The following MLANA variants were observed in gnomAD, a reference collection of about 807,000 sequenced individuals.
MLANA encodes melan-A, also known as melanoma antigen recognized by T-cells 1.
A neutral mutation model predicts 15.7 loss-of-function variants in MLANA; 21 were observed. The ratio of observed to expected loss-of-function variants is 1.33; its 90% CI spans 0.95 to 1.92. MLANA has a LOEUF of 1.92. Among genes scored for constraint, MLANA ranks in the 40% most tolerant of loss-of-function variants. The pLI is 0.00. For synonymous variants in MLANA, 56 were observed against 51.5 expected, an observed-to-expected ratio of 1.09 and a Z score of -0.37; for missense variants, 164 against 143.8, an observed-to-expected ratio of 1.14 and a Z score of -0.72.
At chr9:5,891,975 G>A (rs1386034227) in intron 1 of MLANA, among the ~76,000 whole-genome samples, 1 of 152,208 alleles carries the variant, frequency 6.6e-6, no homozygotes, top group African/African-American at 2.4e-5. Context: ...GGAAACACAC[G>A]TTATGTATCA....
intron 3 of MLANA, chr9:5,899,200 G>C (rs1256505530): frequency 6.6e-6 from 1 of 152,168 alleles, no homozygotes; most frequent in Non-Finnish European, 1.5e-5. Flanking sequence ...CTTTCCAAAA[G>C]ATGTTGGAAA....
rs116918364 is a variant in MLANA at position 5,894,936 on chromosome 9, C to T, written c.77+2385C>T. On this transcript the variant is annotated intron_variant, in intron 2 of 4. Transcript: ENST00000381477. The surrounding 1 kb of genome is among the most constrained non-coding windows in gnomAD (Gnocchi z 4.0). ...TATGACCACTATCATGTGAAGGAAC[C>T]CCTTGACTGAAGGCACAAGCTTTCT... is the stretch of plus-strand genomic sequence containing the variant. 4.3e-3 allele frequency among the ~76,000 whole-genome samples: 658 copies of T among 152,272 alleles called. 22 individuals carry two copies. The highest frequency in any genetic ancestry group is 0.036 in the Admixed American group (557 of 15,300).
Position 5,908,760 on chromosome 9 carries a change from C to G in MLANA, c.*52C>G. 6.5e-7 allele frequency: 1 copy of G among 1,537,572 alleles called. No homozygotes were observed. The highest frequency in any genetic ancestry group is 9.0e-7 in the Non-Finnish European group (1 of 1,110,976). On this transcript the variant is annotated 3_prime_UTR_variant, in exon 5 of 5. Coordinates refer to ENST00000381477, the MANE Select transcript of MLANA (RefSeq NM_005511.2). ...TGAAATTATTTCTCTCACACTTTTG[C>G]TTGAATTTAATACAGACATCTAATG...
At chr9:5,905,729 C>T (rs1832761053) in intron 3 of MLANA, among the ~76,000 whole-genome samples, 2 of 152,218 alleles carry the variant, frequency 1.3e-5, no homozygotes, top group Admixed American at 1.3e-4. Context: ...CCTTTTCAGG[C>T]TGACCCAATG....
rs1832994957 is a variant in MLANA at position 5,908,979 on chromosome 9, G to A, written c.*271G>A. Reference sequence around the variant, plus strand: ...CAGAGGTAATGTTAGTAAATCCATGGTGTTATTTTCTGAGAGACAGAATTC... The same window carrying A: ...CAGAGGTAATGTTAGTAAATCCATGATGTTATTTTCTGAGAGACAGAATTC... On this transcript the variant is annotated 3_prime_UTR_variant, in exon 5 of 5. Coordinates refer to ENST00000381477, the MANE Select transcript of MLANA (RefSeq NM_005511.2). 1 of 402,400 alleles carries A rather than the reference G, an allele frequency of 2.5e-6. No homozygotes were observed. Among genetic ancestry groups the A allele is most frequent in the African/African-American group, 2.1e-5 (1 of 48,146 alleles). 24.9% of individuals were successfully genotyped at this position (402,400 alleles called of 1,614,324 possible). A position where few individuals can be genotyped will look rare whatever the true frequency, so the allele number is the denominator to read the frequency against.
intron 2 of MLANA, among the ~76,000 whole-genome samples, chr9:5,893,325 C>T (rs1008941027): frequency 2.6e-5 from 4 of 152,212 alleles, no homozygotes; most frequent in African/African-American, 4.8e-5. Flanking sequence ...CCACCCTCTG[C>T]GTGGGACTCT....
chr9:5,895,188 C>G lies in MLANA; in HGVS notation c.78-2369C>G, dbSNP rs186952104. Reference sequence around the variant, plus strand: ...TCCAGCACAATGAAACACTTAACTTCAGTCTGTGAGTGTAGGAACCCCTGA... The same window carrying G: ...TCCAGCACAATGAAACACTTAACTTGAGTCTGTGAGTGTAGGAACCCCTGA... On this transcript the variant is annotated intron_variant, in intron 2 of 4. Transcript: ENST00000381477. Among the ~76,000 whole-genome samples, 31 of 152,306 alleles carry G rather than the reference C, an allele frequency of 2.0e-4. 1 individual carries two copies. The highest frequency in any genetic ancestry group is 9.1e-4 in the Admixed American group (14 of 15,304).
rs903318088 is a variant in MLANA at position 5,897,652 on chromosome 9, T to C, written c.173T>C (p.Met58Thr). 1.9e-6 allele frequency: 3 copies of C among 1,613,622 alleles called. No homozygotes were observed. The highest frequency in any genetic ancestry group is 2.2e-5 in the East Asian group (1 of 44,878). ...CRRRNGYRAL[M>T]DKSLHVGTQC... ...AGACGAAATGGATACAGAGCCTTGA[T>C]GGTTGGTAAAGTTCCCACTGCTGAA... The change falls in exon 3 of 5, where the codon ATG becomes ACG. Residue 58 changes from methionine to threonine, a missense_variant and splice_region_variant. Coordinates refer to ENST00000381477, the MANE Select transcript of MLANA (RefSeq NM_005511.2).
chr9:5,904,088 G>A (rs1316153783), intron 3 of MLANA, among the ~76,000 whole-genome samples: 2 of 152,026 alleles, frequency 1.3e-5, no homozygotes, highest in African/African-American at 4.8e-5. Context: ...GAACTCCTGA[G>A]CTCAGGCAAT....
At chr9:5,908,408 T>C (rs568417099) in intron 4 of MLANA, among the ~76,000 whole-genome samples, 1 of 152,322 alleles carries the variant, frequency 6.6e-6, no homozygotes, top group African/African-American at 2.4e-5. Context: ...AGCTAAGCTT[T>C]TGAGATTTTG....
chr9:5,908,294 C>A (rs112265389), intron 4 of MLANA, among the ~76,000 whole-genome samples: 1 of 152,152 alleles, frequency 6.6e-6, no homozygotes, highest in African/African-American at 2.4e-5. Context: ...ACAATTACAA[C>A]GATCTCTGTG....
At position 5,892,506 on chromosome 9, in the gene MLANA, G is replaced by T; in HGVS notation, c.32G>T (p.Gly11Val). Residue 11 changes from glycine (G) to valine (V), a missense_variant, in exon 2 of 5, where the codon GGT becomes GTT. Coordinates refer to ENST00000381477, the MANE Select transcript of MLANA (RefSeq NM_005511.2). MPREDAHFIYGYPKKGHGHSY... is the reference protein window; with the variant it reads MPREDAHFIYVYPKKGHGHSY... ...AGAGAAGATGCTCACTTCATCTATG[G>T]TTACCCCAAGAAGGGGCACGGCCAC... 6.2e-7 allele frequency: 1 copy of T among 1,613,812 alleles called. No homozygotes were observed. The highest frequency in any genetic ancestry group is 8.5e-7 in the Non-Finnish European group (1 of 1,179,896).
At chr9:5,896,350 G>C (rs1586925437) in intron 2 of MLANA, among the ~76,000 whole-genome samples, 1 of 152,314 alleles carries the variant, frequency 6.6e-6, no homozygotes, top group East Asian at 1.9e-4. Context: ...ATCTTCATAG[G>C]TCTCAGCTTC....
At chr9:5,896,165 C>T (rs1275477429) in intron 2 of MLANA, among the ~76,000 whole-genome samples, 2 of 152,206 alleles carry the variant, frequency 1.3e-5, no homozygotes, top group Admixed American at 1.3e-4. Flanking sequence ...GCTGGTTGTG[C>T]AGCCCTGGGC....
At chr9:5,891,155 A>G (rs1831634597) in intron 1 of MLANA, 1 of 152,162 alleles carries the variant, frequency 6.6e-6, no homozygotes. Context: ...AAGAAAAGCA[A>G]TTATTCAGGA....
chr9:5,895,792 C>T (rs1445616612), intron 2 of MLANA, among the ~76,000 whole-genome samples: 1 of 152,210 alleles, frequency 6.6e-6, no homozygotes, highest in Non-Finnish European at 1.5e-5. Flanking sequence ...AGGCGCCCTG[C>T]CAAGCTGGGC....
chr9:5,906,922 CAAG>C lies in MLANA; in HGVS notation c.217_219del (p.Arg73del), dbSNP rs1221820610. ...CATGTTGGCACTCAATGTGCCTTAA[CAAG>C]AAGATGCCCACAAGAAGGGTTTGAT... On this transcript the variant is annotated inframe_deletion, in exon 4 of 5. Coordinates refer to ENST00000381477, the MANE Select transcript of MLANA (RefSeq NM_005511.2). 6.3e-7 allele frequency: 1 copy of C among 1,596,106 alleles called. No homozygotes were observed. The highest frequency in any genetic ancestry group is 8.5e-7 in the Non-Finnish European group (1 of 1,173,062).
chr9:5,898,402 TAAC>T (rs1202365245), intron 3 of MLANA, among the ~76,000 whole-genome samples: 1 of 152,148 alleles, frequency 6.6e-6, no homozygotes, highest in Non-Finnish European at 1.5e-5. Context: ...ACTCCTGCAA[TAAC>T]AACATTAATC....
intron 2 of MLANA, among the ~76,000 whole-genome samples, chr9:5,896,720 G>C (rs1042273461): frequency 9.2e-5 from 14 of 152,196 alleles, no homozygotes; most frequent in Non-Finnish European, 1.5e-4. Context: ...ACAGCTCCAG[G>C]CCCTGTTTCC....
Sources: allele counts gnomAD v4.1 joint callset (sites outside exome capture counted in the v4.1 genomes callset), GRCh38; gene constraint gnomAD v4.1.1; non-coding constraint Gnocchi (gnomAD v3.1); transcripts MANE v1.5; gene names NCBI Gene and HGNC (gene_info 2026-07-23, HGNC 2026-07-21).